Variants in RPS6KA2 observed in about 807,000 individuals in gnomAD.
RPS6KA2 encodes the protein ribosomal protein S6 kinase A2, also known as ribosomal protein S6 kinase alpha-2.
RPS6KA2 carries 42 observed loss-of-function variants against 91.8 expected under a neutral mutation model. That is an observed-to-expected ratio of 0.46 (90% CI 0.36 to 0.59). The LOEUF (loss-of-function observed/expected upper bound fraction) is 0.59. RPS6KA2 is among the 20% of genes least tolerant of loss of function. The probability of loss-of-function intolerance (pLI) is 0.00; values close to 1 mark genes in which losing one functional copy is unlikely to be tolerated. For synonymous variants in RPS6KA2, 414 were observed against 393.6 expected (o/e 1.05, Z -0.61); for missense variants, 798 against 978.5 (o/e 0.82, Z 2.46).
At chr6:166,474,309 A>G (rs1303709711) in intron 10 of RPS6KA2, among the ~76,000 whole-genome samples, 2 of 152,212 alleles carry the variant, frequency 1.3e-5, no homozygotes, top group Non-Finnish European at 2.9e-5. Flanking sequence ...CAGTAACAAG[A>G]GCAACGGAAA....
At chr6:166,840,428 T>C (rs1250403610) in intron 2 of RPS6KA2, among the ~76,000 whole-genome samples, 1 of 152,122 alleles carries the variant, frequency 6.6e-6, no homozygotes, top group Non-Finnish European at 1.5e-5. Context: ...CAGAGAAAGT[T>C]TGCCTGGCAC....
intron 2 of RPS6KA2, among the ~76,000 whole-genome samples, chr6:166,811,915 G>A (rs1172986344): frequency 1.3e-5 from 2 of 152,174 alleles, no homozygotes; most frequent in Non-Finnish European, 2.9e-5. Context: ...TGACTCCAGA[G>A]CCATCCGAGG....
At chr6:166,758,205 G>A (rs1053159748) in intron 2 of RPS6KA2, among the ~76,000 whole-genome samples, 1 of 152,152 alleles carries the variant, frequency 6.6e-6, no homozygotes, top group African/African-American at 2.4e-5. Flanking sequence ...ATTTCTTTAG[G>A]TGGCGCTGGG....
chr6:166,814,845 A>G (rs1779721990), intron 2 of RPS6KA2, among the ~76,000 whole-genome samples: 1 of 152,204 alleles, frequency 6.6e-6, no homozygotes, highest in African/African-American at 2.4e-5. Context: ...CAGGGCTCAC[A>G]TTGATTCTAC....
chr6:166,496,015 T>C (rs111642798), intron 8 of RPS6KA2, among the ~76,000 whole-genome samples: 3,270 of 152,318 alleles, frequency 0.021, 132 homozygotes, highest in African/African-American at 0.075. Flanking sequence ...CCTATTTCTT[T>C]TTCTTTCAGC....
At chr6:166,520,088 T>C (rs1446791495) in intron 3 of RPS6KA2, among the ~76,000 whole-genome samples, 1 of 152,186 alleles carries the variant, frequency 6.6e-6, no homozygotes, top group Non-Finnish European at 1.5e-5. Context: ...TGCTCCCTGT[T>C]GAACTGGGAC....
intron 2 of RPS6KA2, among the ~76,000 whole-genome samples, chr6:166,681,901 C>T (rs879802229): frequency 5.3e-5 from 8 of 152,106 alleles, no homozygotes; most frequent in African/African-American, 1.7e-4. Context: ...ATCCCTTGAT[C>T]GGCTCCTTCT....
chr6:166,778,595 G>C (rs369195606), intron 2 of RPS6KA2, among the ~76,000 whole-genome samples: 1 of 152,126 alleles, frequency 6.6e-6, no homozygotes, highest in Non-Finnish European at 1.5e-5. Flanking sequence ...GCGAAACCCC[G>C]TCTCTACTAA....
At chr6:166,570,665 T>C (rs1784661409) in intron 1 of RPS6KA2, among the ~76,000 whole-genome samples, 1 of 152,134 alleles carries the variant, frequency 6.6e-6, no homozygotes, top group Non-Finnish European at 1.5e-5. Flanking sequence ...AATACACACA[T>C]AAATTCCATG....
intron 4 of RPS6KA2, 67 bp downstream of exon 4, chr6:166,510,210 C>T: frequency 2.0e-6 from 2 of 987,380 alleles, no homozygotes; most frequent in South Asian, 1.4e-5. Flanking sequence ...ATTTCTTTTT[C>T]AATTTTCTTT....
intron 2 of RPS6KA2, among the ~76,000 whole-genome samples, chr6:166,823,679 T>G (rs937612424): frequency 6.6e-6 from 1 of 152,136 alleles, no homozygotes; most frequent in Non-Finnish European, 1.5e-5. Context: ...ACTTCTGCAA[T>G]TGCTCAAAAT....
chr6:166,859,601 C>T (rs569463191), intron 1 of RPS6KA2, among the ~76,000 whole-genome samples: 7 of 152,306 alleles, frequency 4.6e-5, no homozygotes, highest in East Asian at 1.9e-4. Context: ...CTCAGAACAA[C>T]ACAGAGAACC....
Position 166,433,158 on chromosome 6 carries a change from T to G in RPS6KA2, c.1333-668A>C, listed in dbSNP as rs1206043492. Reference sequence around the variant, plus strand: ...ATCCACAACAAGCCTCCAGCCACTGTGCACCTTCTGCCTTGTTCCGGGAAT... The same window carrying G: ...ATCCACAACAAGCCTCCAGCCACTGGGCACCTTCTGCCTTGTTCCGGGAAT... On this transcript the variant is annotated intron_variant, in intron 14 of 20. Transcript: ENST00000265678. The surrounding 1 kb of genome is among the most constrained non-coding windows in gnomAD (Gnocchi z 4.4). 6.6e-6 allele frequency among the ~76,000 whole-genome samples: 1 copy of G among 152,178 alleles called. No individual in the cohort carries two copies. Among genetic ancestry groups the G allele is most frequent in the Admixed American group, 6.5e-5 (1 of 15,276 alleles).
chr6:166,812,373 C>T (rs1021527028), intron 2 of RPS6KA2, among the ~76,000 whole-genome samples: 6 of 152,026 alleles, frequency 3.9e-5, no homozygotes, highest in African/African-American at 9.7e-5. Context: ...AGAAATAAAG[C>T]GTCTGGGCTC....
At chr6:166,431,246 C>T (rs1003240492) in intron 15 of RPS6KA2, among the ~76,000 whole-genome samples, 1 of 152,186 alleles carries the variant, frequency 6.6e-6, no homozygotes, top group Non-Finnish European at 1.5e-5. Flanking sequence ...GATATTTAGA[C>T]GTTAAGAAAT....
Position 166,500,787 on chromosome 6 carries a change from G to A in RPS6KA2, c.604+100C>T. The A allele has an allele frequency of 9.2e-7, 1 of 1,081,918 alleles. No individual in the cohort carries two copies. 67.0% of individuals were successfully genotyped at this position (1,081,918 alleles called of 1,614,324 possible). On this transcript the variant is annotated intron_variant, in intron 7 of 20. Coordinates refer to ENST00000265678, the MANE Select transcript of RPS6KA2 (RefSeq NM_021135.6). This position sits in a 1 kb window ranked among gnomAD's most constrained non-coding sequence, Gnocchi z 4.3. ...ATCAGAGACAAGCATCTGGCAAAGG[G>A]AAGGGCGGTGTAAATAAGAGGGCTT...
chr6:166,702,786 T>C, intron 2 of RPS6KA2: 1 of 1,105,678 alleles, frequency 9.0e-7, no homozygotes, highest in Non-Finnish European at 1.4e-6. Context: ...AGATACCTTC[T>C]AGGTCCAAGG....
chr6:166,851,867 G>A (rs1008736987), intron 2 of RPS6KA2, among the ~76,000 whole-genome samples: 1 of 152,226 alleles, frequency 6.6e-6, no homozygotes, highest in Non-Finnish European at 1.5e-5. Context: ...AGGGATGTCT[G>A]CAGATGACAA....
chr6:166,512,106 AAC>A (rs937964999), intron 3 of RPS6KA2, among the ~76,000 whole-genome samples: 18 of 151,060 alleles, frequency 1.2e-4, no homozygotes, highest in East Asian at 5.8e-4. Context: ...CACATACACA[AAC>A]ACACACACAC....
Sources: gnomAD v4.1 joint callset for allele counts (sites outside exome capture counted in the v4.1 genomes callset) on GRCh38, gnomAD v4.1.1 for gene constraint, Gnocchi (gnomAD v3.1) non-coding constraint, MANE v1.5 for transcripts, NCBI Gene and HGNC (gene_info 2026-07-23, HGNC 2026-07-21) for gene names.